ABCB1: variants seen among roughly 807,000 people sequenced by gnomAD.
The protein encoded by ABCB1 is ATP-dependent translocase ABCB1.
A neutral mutation model predicts 142.0 loss-of-function variants in ABCB1; 69 were observed. The ratio of observed to expected loss-of-function variants is 0.49; its 90% CI spans 0.40 to 0.59. The LOEUF (loss-of-function observed/expected upper bound fraction) is 0.59. Ranked by LOEUF, ABCB1 falls within the 20% of genes least tolerant of loss-of-function variation. The pLI is 0.00. For missense variants in ABCB1, 1,326 were observed against 1,554.7 expected, an observed-to-expected ratio of 0.85 and a Z score of 2.47; for synonymous variants, 532 against 539.2, an observed-to-expected ratio of 0.99 and a Z score of 0.18.
At chr7:87,702,160 A>AAAAAC (rs1829129565) in intron 1 of ABCB1, among the ~76,000 whole-genome samples, 1 of 150,106 alleles carries the variant, frequency 6.7e-6, no homozygotes, top group African/African-American at 2.4e-5. Context: ...AAAAAAAAAA[A>AAAAAC]AAAAAAAAAA....
At chr7:87,585,766 T>C (rs553957186) in intron 3 of ABCB1, 86 bp from the exon 4 acceptor site, 2 of 1,455,542 alleles carry the variant, frequency 1.4e-6, no homozygotes, top group Non-Finnish European at 1.9e-6. Flanking sequence ...ATATCCAAAA[T>C]CCAAACATTT....
In ABCB1 at chr7:87,710,577, C is replaced by T. The variant is rs773095108; in HGVS notation, c.-331+2584G>A. The T allele has an allele frequency of 3.8e-6, 6 of 1,573,674 alleles. No homozygotes were observed. In the East Asian group the frequency reaches 9.1e-5, roughly 24 times the overall value. Reference sequence around the variant, plus strand: ...CTTTCTTCTTCCTTTTAGGGTAGAGCCTGGATCAGAGTAGCACTCATGGAA... The same window carrying T: ...CTTTCTTCTTCCTTTTAGGGTAGAGTCTGGATCAGAGTAGCACTCATGGAA... On this transcript the variant is annotated intron_variant, in intron 1 of 28. Transcript: ENST00000265724.
At chr7:87,609,528 T>G (rs1819777245) in intron 1 of ABCB1, among the ~76,000 whole-genome samples, 1 of 152,162 alleles carries the variant, frequency 6.6e-6, no homozygotes, top group Non-Finnish European at 1.5e-5. Context: ...CTGAGCTTGC[T>G]GTTCATTCTA....
chr7:87,521,861 T>C (rs1318618295), intron 21 of ABCB1: 1 of 773,972 alleles, frequency 1.3e-6, no homozygotes. Context: ...ATTGAAGTGA[T>C]TGAAATCATG....
At chr7:87,619,317 T>G (rs1487884758) in intron 1 of ABCB1, among the ~76,000 whole-genome samples, 1 of 152,050 alleles carries the variant, frequency 6.6e-6, no homozygotes, top group Non-Finnish European at 1.5e-5. Context: ...AGTGGGCAGA[T>G]CACTTGAGGT....
intron 9 of ABCB1, among the ~76,000 whole-genome samples, chr7:87,552,970 C>T (rs1166826199): frequency 6.6e-6 from 1 of 152,144 alleles, no homozygotes; most frequent in East Asian, 1.9e-4. Flanking sequence ...GACTTCTGTG[C>T]TTGCACAAAG....
chr7:87,641,610 G>A (rs1260958119), intron 1 of ABCB1, among the ~76,000 whole-genome samples: 3 of 152,192 alleles, frequency 2.0e-5, no homozygotes, highest in Admixed American at 6.5e-5. Flanking sequence ...AGCTGTGAAT[G>A]TGCACTAAAT....
chr7:87,657,349 G>C (rs1824210986), intron 1 of ABCB1, among the ~76,000 whole-genome samples: 1 of 152,116 alleles, frequency 6.6e-6, no homozygotes, highest in Non-Finnish European at 1.5e-5. Flanking sequence ...ACCAGAGAAA[G>C]AACAGCCTAG....
intron 25 of ABCB1, among the ~76,000 whole-genome samples, chr7:87,510,804 A>C (rs544829020): frequency 2.0e-5 from 3 of 152,272 alleles, no homozygotes; most frequent in African/African-American, 7.2e-5. Context: ...ACTATTCCAC[A>C]CATGTATGCT....
rs1410820663 is a variant in ABCB1, at chr7:87,566,904, G to T, written c.411C>A (p.Cys137Ter). 2 of 1,614,038 alleles carry T rather than the reference G, an allele frequency of 1.2e-6. No homozygotes were observed. Among genetic ancestry groups the T allele is most frequent in the African/African-American group, 2.7e-5 (2 of 74,994 alleles). Residue 137 changes from cysteine to a stop codon, truncating the protein, a stop_gained, in exon 6 of 28, where the codon TGC becomes TGA. Transcript: ENST00000622132. LOFTEE classifies it high-confidence loss of function. ...TGTGTATTTGTCTTCCAGCTGCCAG[G>T]CACCAAAATGAAACCTGAATGTAAG... ...VAAYIQVSFW[C>*]LAAGRQIHKI...
chr7:87,541,001 A>G (rs960873377), intron 18 of ABCB1, among the ~76,000 whole-genome samples: 1 of 152,166 alleles, frequency 6.6e-6, no homozygotes, highest in Non-Finnish European at 1.5e-5. Context: ...GAACACGGGA[A>G]GACATTTCTT....
At chr7:87,680,336 T>G (rs1225630261) in intron 1 of ABCB1, among the ~76,000 whole-genome samples, 3 of 150,686 alleles carry the variant, frequency 2.0e-5, no homozygotes, top group Non-Finnish European at 4.4e-5. Flanking sequence ...AAAGAGGGAT[T>G]CTCGAGGAAA....
At chr7:87,673,292 G>C (rs751557970) in intron 1 of ABCB1, among the ~76,000 whole-genome samples, 2 of 152,144 alleles carry the variant, frequency 1.3e-5, no homozygotes, top group African/African-American at 2.4e-5. Flanking sequence ...CATTTTCATG[G>C]TTGTTATCCT....
intron 3 of ABCB1, among the ~76,000 whole-genome samples, chr7:87,594,098 A>T (rs1470766956): frequency 6.6e-6 from 1 of 152,168 alleles, no homozygotes; most frequent in African/African-American, 2.4e-5. Context: ...TTTTATATTG[A>T]AGTTACATTC....
chr7:87,520,993 ATGAGC>A, intron 21 of ABCB1, 117 bp from the exon 22 acceptor site: 2 of 794,104 alleles, frequency 2.5e-6, no homozygotes, highest in Non-Finnish European at 2.1e-6. Context: ...ATTATTATGT[ATGAGC>A]ATTTTCTCTG....
rs1432802590 is a variant in ABCB1 at position 87,509,437 on chromosome 7, G to A, written c.3327C>T (p.Leu1109=). ...GGGACACGATGCCCAGGTGTGCTCGGAGCCACTGAACATTCAGTCGCTTTA... is the reference window on the plus strand; with the variant it reads ...GGGACACGATGCCCAGGTGTGCTCGAAGCCACTGAACATTCAGTCGCTTTA... ...KEIKRLNVQW[L]RAHLGIVSQE... Residue 1109 remains leucine, a synonymous_variant, in exon 26 of 28, where the codon CTC becomes CTT. Transcript: ENST00000622132. 2 of 1,614,150 alleles carry A rather than the reference G, an allele frequency of 1.2e-6. No homozygotes were observed. The highest frequency in any genetic ancestry group is 4.5e-5 in the East Asian group (2 of 44,878).
At chr7:87,559,874 G>A (rs1817481470) in intron 8 of ABCB1, among the ~76,000 whole-genome samples, 1 of 152,072 alleles carries the variant, frequency 6.6e-6, no homozygotes, top group Non-Finnish European at 1.5e-5. Flanking sequence ...AATGCTGTTG[G>A]GCTGTTGGGC....
chr7:87,549,228 T>G (rs1046616776), intron 14 of ABCB1, 120 bp downstream of exon 14: 6 of 1,165,142 alleles, frequency 5.1e-6, no homozygotes, highest in Non-Finnish European at 7.4e-6. Context: ...TTTTAATAGC[T>G]GAAGGAATCA....
intron 4 of ABCB1, among the ~76,000 whole-genome samples, chr7:87,576,397 C>G (rs1818275857): frequency 6.7e-6 from 1 of 149,612 alleles, no homozygotes; most frequent in African/African-American, 2.4e-5. Flanking sequence ...CATATACACA[C>G]ACACTATATA....
Sources: allele counts gnomAD v4.1 joint callset (sites outside exome capture counted in the v4.1 genomes callset), GRCh38; gene constraint gnomAD v4.1.1; transcripts MANE v1.5; gene names NCBI Gene and HGNC (gene_info 2026-07-23, HGNC 2026-07-21).